The following NOL4L variants were observed in gnomAD, a reference collection of about 807,000 sequenced individuals.
NOL4L encodes the protein nucleolar protein 4-like.
Under a neutral mutation model 64.5 loss-of-function variants are expected in NOL4L, and 7 were observed. The ratio of observed to expected loss-of-function variants is 0.11; its 90% confidence interval spans 0.06 to 0.20. The LOEUF (loss-of-function observed/expected upper bound fraction) is 0.20, where lower values mean the gene tolerates loss of function less well. Ranked by LOEUF, NOL4L falls within the 10% of genes least tolerant of loss-of-function variation. The probability of loss-of-function intolerance (pLI) is 1.00; values close to 1 mark genes in which losing one functional copy is unlikely to be tolerated. For missense variants in NOL4L, 680 were observed against 967.1 expected, an observed-to-expected ratio of 0.70 and a Z score of 3.94; for synonymous variants, 413 against 401.0, an observed-to-expected ratio of 1.03 and a Z score of -0.36.
At chr20:32,456,042 G>A (rs2145435696) in intron 6 of NOL4L, 76 bp downstream of exon 6, 1 of 1,412,570 alleles carries the variant, frequency 7.1e-7, no homozygotes, top group Non-Finnish European at 9.3e-7. Context: ...CTAAGCTCTG[G>A]GCGTATACAA....
intron 1 of NOL4L, among the ~76,000 whole-genome samples, chr20:32,562,035 T>C (rs1294965024): frequency 6.6e-6 from 1 of 151,986 alleles, no homozygotes; most frequent in African/African-American, 2.4e-5. Flanking sequence ...ATATAGCAAG[T>C]GCTCAATGAA....
chr20:32,573,513 G>C (rs550843307), intron 1 of NOL4L: 1 of 152,848 alleles, frequency 6.5e-6, no homozygotes, highest in Admixed American at 6.5e-5. Flanking sequence ...TCACAATCCC[G>C]ATCACAGCTT....
chr20:32,497,453 T>C (rs1303273365), intron 4 of NOL4L, among the ~76,000 whole-genome samples: 1 of 152,114 alleles, frequency 6.6e-6, no homozygotes, highest in Non-Finnish European at 1.5e-5. Flanking sequence ...GACAAAGCCA[T>C]CAGGGGTCCC....
At chr20:32,537,002 C>G in intron 1 of NOL4L, 4 of 947,440 alleles carry the variant, frequency 4.2e-6, no homozygotes, top group Non-Finnish European at 5.0e-6. Flanking sequence ...GCGCGCCCGC[C>G]GGCCTCGCGT....
intron 3 of NOL4L, among the ~76,000 whole-genome samples, chr20:32,518,849 G>C (rs966064697): frequency 6.6e-6 from 1 of 152,200 alleles, no homozygotes; most frequent in Non-Finnish European, 1.5e-5. Flanking sequence ...TTGGCCCAGG[G>C]GTTGCAGCTG....
At chr20:32,456,032 C>G (rs547910383) in intron 6 of NOL4L, 86 bp downstream of exon 6, 3 of 1,372,334 alleles carry the variant, frequency 2.2e-6, no homozygotes, top group Non-Finnish European at 2.9e-6. Flanking sequence ...CTGGCTCCAG[C>G]TAAGCTCTGG....
intron 4 of NOL4L, among the ~76,000 whole-genome samples, chr20:32,504,489 G>A (rs1391549637): frequency 6.6e-6 from 1 of 151,164 alleles, no homozygotes; most frequent in Non-Finnish European, 1.5e-5. Flanking sequence ...GTACCCAGGA[G>A]ATGGAGCTTG....
rs555318733 is a variant in NOL4L at position 32,509,701 on chromosome 20, C to A, written c.699+1646G>T. On this transcript the variant is annotated intron_variant, in intron 4 of 10. Transcript: ENST00000621426. Reference sequence around the variant, plus strand: ...CCTTCCATTGACGCAAGTGAAGATACAGTTAGGATTTTTAACCAGATCAAA... The same window carrying A: ...CCTTCCATTGACGCAAGTGAAGATAAAGTTAGGATTTTTAACCAGATCAAA... 3.4e-5 allele frequency: 41 copies of A among 1,202,292 alleles called. No homozygotes were observed. In the African/African-American group the frequency reaches 5.5e-4, roughly 16 times the overall value. 74.5% of individuals were successfully genotyped at this position (1,202,292 alleles called of 1,614,324 possible). A position where few individuals can be genotyped will look rare whatever the true frequency, so the allele number is the denominator to read the frequency against.
intron 2 of NOL4L, among the ~76,000 whole-genome samples, chr20:32,524,048 C>A (rs987999691): frequency 2.0e-5 from 3 of 152,172 alleles, no homozygotes; most frequent in Non-Finnish European, 4.4e-5. Context: ...GTGGCCTGGG[C>A]AGCTAGATCC....
chr20:32,535,693 C>A (rs1003492438), intron 1 of NOL4L: 1 of 985,520 alleles, frequency 1.0e-6, no homozygotes, highest in South Asian at 4.7e-5. Context: ...CTCCTCCAAG[C>A]AGCTCTGAGT....
chr20:32,485,082 AAAAAAC>A (rs1242994453), intron 4 of NOL4L, among the ~76,000 whole-genome samples: 7 of 147,916 alleles, frequency 4.7e-5, no homozygotes, highest in Admixed American at 2.1e-4. Context: ...AAAAAAAAAA[AAAAAAC>A]AACTAAAAAA....
Position 32,453,207 on chromosome 20 carries a change from G to A in NOL4L, c.1497+97C>T. 1 of 1,478,330 alleles carries A rather than the reference G, an allele frequency of 6.8e-7. No homozygotes were observed. Among genetic ancestry groups the A allele is most frequent in the South Asian group, 1.3e-5 (1 of 78,160 alleles). 91.6% of individuals were successfully genotyped at this position (1,478,330 alleles called of 1,614,324 possible). On this transcript the variant is annotated intron_variant, in intron 8 of 10. Transcript: ENST00000621426. The surrounding 1 kb of genome is among the most constrained non-coding windows in gnomAD (Gnocchi z 5.6). ...TGGTACTTGCTTCCAGGGCTCCTGGGAAGACCCTGGGTGAAGGGGCCCGGG... is the reference window on the plus strand; with the variant it reads ...TGGTACTTGCTTCCAGGGCTCCTGGAAAGACCCTGGGTGAAGGGGCCCGGG...
intron 2 of NOL4L, 55 bp from the exon 3 acceptor site, chr20:32,520,977 C>A: frequency 8.2e-7 from 1 of 1,220,010 alleles, no homozygotes; most frequent in Non-Finnish European, 1.2e-6. Flanking sequence ...GGCAACTTGG[C>A]CATGGGGTCA....
At position 32,464,982 on chromosome 20, in the gene NOL4L, G is replaced by T; in HGVS notation, c.842-8587C>A. On this transcript the variant is annotated intron_variant, in intron 5 of 10. Coordinates refer to ENST00000621426, the MANE Select transcript of NOL4L (RefSeq NM_001256798.2). The surrounding 1 kb of genome is among the most constrained non-coding windows in gnomAD (Gnocchi z 5.6). ...GCCGTCCTTGGCTAATGAATTAGAC[G>T]TCACACACCTAGATCTTCCCCTAAA... 5 of 577,194 alleles carry T rather than the reference G, an allele frequency of 8.7e-6. No individual in the cohort carries two copies. In the South Asian group the frequency reaches 8.7e-5, roughly 10 times the overall value. 35.8% of individuals were successfully genotyped at this position (577,194 alleles called of 1,614,324 possible). A position where few individuals can be genotyped will look rare whatever the true frequency, so the allele number is the denominator to read the frequency against.
At chr20:32,478,482 C>G (rs2015537241) in intron 4 of NOL4L, among the ~76,000 whole-genome samples, 1 of 152,190 alleles carries the variant, frequency 6.6e-6, no homozygotes, top group Admixed American at 6.5e-5. Flanking sequence ...GGACACACTG[C>G]CTAGTCACCT....
rs373232648 is a variant in NOL4L at position 32,456,283 on chromosome 20, G to A, written c.954C>T (p.Ala318=). 44 of 1,587,548 alleles carry A rather than the reference G, an allele frequency of 2.8e-5. No homozygotes were observed. The highest frequency in any genetic ancestry group is 1.7e-4 in the Middle Eastern group (1 of 5,986). Residue 318 remains alanine, a synonymous_variant, in exon 6 of 11, where the codon GCC becomes GCT. Coordinates refer to ENST00000621426, the MANE Select transcript of NOL4L (RefSeq NM_001256798.2). ...PAFPEMNGNG[A]VAPMDFTTAA... ...CCGTGGTGAAGTCCATGGGGGCCAC[G>A]GCGCCGTTGCCATTCATCTCGGGGA...
Position 32,539,901 on chromosome 20 carries a change from C to T in NOL4L, c.322-11988G>A, listed in dbSNP as rs566332127. Among the ~76,000 whole-genome samples, 143 of 152,290 alleles carry T rather than the reference C, an allele frequency of 9.4e-4. 1 individual carries two copies. The highest frequency in any genetic ancestry group is 1.7e-3 in the Non-Finnish European group (116 of 68,016). On this transcript the variant is annotated intron_variant, in intron 1 of 10. Coordinates refer to ENST00000621426, the MANE Select transcript of NOL4L (RefSeq NM_001256798.2). ...TGTTGGGGGCTCCACTTCTCAGTAA[C>T]TCTGTTTAACCCCAGATAACTGCTC...
At chr20:32,530,279 C>T (rs1032138694) in intron 1 of NOL4L, among the ~76,000 whole-genome samples, 11 of 152,202 alleles carry the variant, frequency 7.2e-5, no homozygotes, top group African/African-American at 2.2e-4. Flanking sequence ...CGGTGGCTCA[C>T]GCCTGTAATC....
intron 4 of NOL4L, among the ~76,000 whole-genome samples, chr20:32,484,752 C>T (rs1272413583): frequency 1.3e-5 from 2 of 152,086 alleles, no homozygotes; most frequent in Non-Finnish European, 2.9e-5. Flanking sequence ...GGGAGGGGAG[C>T]CACGCGGATT....
Sources: gnomAD v4.1 joint callset for allele counts (sites outside exome capture counted in the v4.1 genomes callset) on GRCh38, gnomAD v4.1.1 for gene constraint, Gnocchi (gnomAD v3.1) non-coding constraint, MANE v1.5 for transcripts, NCBI Gene and HGNC (gene_info 2026-07-23, HGNC 2026-07-21) for gene names.